KSR1: variants seen among roughly 807,000 people sequenced by gnomAD.
KSR1 encodes the protein kinase suppressor of ras.
In KSR1, 35 loss-of-function variants were observed where a neutral mutation model predicts 92.9. The observed-to-expected ratio is 0.38, with a 90% CI of 0.29 to 0.50. The LOEUF is 0.50. Among genes scored for constraint, KSR1 ranks in the 20% least tolerant of loss-of-function variants. The pLI, the probability that KSR1 is intolerant of heterozygous loss-of-function variation, is 0.94. For missense variants in KSR1, 972 were observed against 1,158.5 expected (o/e 0.84, Z 2.34); for synonymous variants, 467 against 472.6 (o/e 0.99, Z 0.15).
intron 4 of KSR1, among the ~76,000 whole-genome samples, chr17:27,584,873 T>C (rs1477614184): frequency 1.3e-5 from 2 of 152,166 alleles, no homozygotes; most frequent in Non-Finnish European, 2.9e-5. Context: ...TTTCAGGGGC[T>C]ACCTCTGCTC....
chr17:27,530,864 A>AT (rs968050190), intron 1 of KSR1, among the ~76,000 whole-genome samples: 3 of 152,064 alleles, frequency 2.0e-5, no homozygotes, highest in South Asian at 2.1e-4. Flanking sequence ...CATCATGTAG[A>AT]TTTTTTTGTC....
intron 1 of KSR1, among the ~76,000 whole-genome samples, chr17:27,503,489 A>C (rs58631275): frequency 0.02 from 3,020 of 152,312 alleles, 91 homozygotes; most frequent in African/African-American, 0.068. Flanking sequence ...ACTTGAGGTC[A>C]GAAGTTCGAG....
intron 6 of KSR1, among the ~76,000 whole-genome samples, chr17:27,590,217 C>T (rs2073116001): frequency 6.6e-6 from 1 of 152,174 alleles, no homozygotes; most frequent in South Asian, 2.1e-4. Context: ...TAGTTTTTTT[C>T]CTGTACTTGA....
At chr17:27,471,570 G>A (rs2020004681) in intron 1 of KSR1, among the ~76,000 whole-genome samples, 1 of 152,188 alleles carries the variant, frequency 6.6e-6, no homozygotes, top group Admixed American at 6.5e-5. Flanking sequence ...CACAGTGTCA[G>A]GGGAGGATGG....
chr17:27,611,050 C>A (rs535131558), intron 17 of KSR1, among the ~76,000 whole-genome samples: 2 of 152,300 alleles, frequency 1.3e-5, no homozygotes, highest in Middle Eastern at 3.4e-3. Flanking sequence ...AGTGGGGTGG[C>A]CTTGGCGCCA....
At chr17:27,604,765 C>T in intron 13 of KSR1, 37 bp downstream of exon 13, 1 of 1,607,648 alleles carries the variant, frequency 6.2e-7, no homozygotes. Context: ...GATGGCCCCC[C>T]CTCTTTTTTC....
intron 18 of KSR1, among the ~76,000 whole-genome samples, chr17:27,614,461 A>G (rs2074003395): frequency 6.6e-6 from 1 of 152,210 alleles, no homozygotes; most frequent in South Asian, 2.1e-4. Context: ...GGAGCAGAGA[A>G]TGGTAAGTGC....
intron 2 of KSR1, among the ~76,000 whole-genome samples, chr17:27,576,133 G>A (rs2072496360): frequency 6.6e-6 from 1 of 152,038 alleles, no homozygotes; most frequent in Admixed American, 6.5e-5. Context: ...CACGCTTCAG[G>A]TCTCTTGACT....
intron 1 of KSR1, among the ~76,000 whole-genome samples, chr17:27,505,130 A>T (rs2069329898): frequency 6.6e-6 from 1 of 152,212 alleles, no homozygotes; most frequent in Non-Finnish European, 1.5e-5. Flanking sequence ...CTGTGGAATC[A>T]GTACCTGCTG....
intron 16 of KSR1, 79 bp from the exon 17 acceptor site, chr17:27,609,988 G>T: frequency 6.4e-7 from 1 of 1,567,816 alleles, no homozygotes; most frequent in South Asian, 1.2e-5. Flanking sequence ...TGCCGGCCCT[G>T]GGGCAGACCT....
chr17:27,617,322 G>A lies in KSR1; in HGVS notation c.2521G>A (p.Asp841Asn), dbSNP rs560099866. Residue 841 changes from aspartate to asparagine, a missense_variant, in exon 19 of 21, where the codon GAC becomes AAC. This residue lies in a region of KSR1 where 260 missense variants were observed against 375.2 expected (regional missense o/e 0.69). Coordinates refer to ENST00000644974, the MANE Select transcript of KSR1 (RefSeq NM_001394583.1). ...SEILSACWAF[D>N]LQERPSFSLL... Reference sequence around the variant, plus strand: ...GATCCTGTCGGCCTGCTGGGCTTTCGACCTGCAGGAGAGACCCAGCTTCAG... The same window carrying A: ...GATCCTGTCGGCCTGCTGGGCTTTCAACCTGCAGGAGAGACCCAGCTTCAG... The A allele has an allele frequency of 2.9e-5, 47 of 1,610,458 alleles. No individual in the cohort carries two copies. In the East Asian group the frequency reaches 4.0e-4, roughly 14 times the overall value.
chr17:27,481,340 A>C (rs915435454), intron 1 of KSR1, among the ~76,000 whole-genome samples: 1 of 152,208 alleles, frequency 6.6e-6, no homozygotes, highest in East Asian at 1.9e-4. Context: ...TTGTGGAAAC[A>C]AGGTGAGGGA....
intron 2 of KSR1, among the ~76,000 whole-genome samples, chr17:27,569,143 A>T (rs903524254): frequency 1.6e-4 from 25 of 152,258 alleles, no homozygotes; most frequent in African/African-American, 6.0e-4. Context: ...AAAAAGAATT[A>T]AAATTTTACA....
intron 2 of KSR1, among the ~76,000 whole-genome samples, chr17:27,567,578 C>T (rs1315595552): frequency 4.6e-5 from 7 of 152,214 alleles, no homozygotes; most frequent in Admixed American, 4.6e-4. Context: ...CTGGATTGCA[C>T]AGGGCTCTGG....
At chr17:27,523,074 TGTG>T (rs1597941474) in intron 1 of KSR1, among the ~76,000 whole-genome samples, 1 of 152,248 alleles carries the variant, frequency 6.6e-6, no homozygotes, top group African/African-American at 2.4e-5. Context: ...CTTGACTAGA[TGTG>T]GTGAAGTTAG....
chr17:27,612,408 G>A (rs185573964), intron 18 of KSR1, among the ~76,000 whole-genome samples: 91 of 152,344 alleles, frequency 6.0e-4, no homozygotes, highest in Non-Finnish European at 1.1e-3. Flanking sequence ...GTCCTTGTAG[G>A]AGTATTTTTG....
chr17:27,604,856 TG>T, intron 13 of KSR1, 128 bp downstream of exon 13: 2 of 864,768 alleles, frequency 2.3e-6, no homozygotes, highest in Middle Eastern at 6.3e-4. Context: ...AGGCACCCAT[TG>T]CAGAGGTGCA....
chr17:27,604,929 C>T (rs1334486302), intron 13 of KSR1, among the ~76,000 whole-genome samples: 1 of 152,212 alleles, frequency 6.6e-6, no homozygotes, highest in Non-Finnish European at 1.5e-5. Context: ...GTCTTCCCCA[C>T]ACTCCCCAGG....
chr17:27,551,269 C>T (rs1442387856), intron 2 of KSR1, among the ~76,000 whole-genome samples: 1 of 152,186 alleles, frequency 6.6e-6, no homozygotes, highest in Non-Finnish European at 1.5e-5. Context: ...AGCCTACCCA[C>T]CTGCCAGCCA....
Sources: gnomAD v4.1 joint callset for allele counts (sites outside exome capture counted in the v4.1 genomes callset) on GRCh38, gnomAD v4.1.1 for gene constraint, gnomAD v4.1.1 regional missense constraint, MANE v1.5 for transcripts, NCBI Gene and HGNC (gene_info 2026-07-23, HGNC 2026-07-21) for gene names.